TP63: variants seen among roughly 807,000 people sequenced by gnomAD.
The protein encoded by TP63 is tumor protein p63.
TP63 carries 17 observed loss-of-function variants against 82.8 expected under a neutral mutation model. The observed-to-expected ratio is 0.21, with a 90% CI of 0.14 to 0.31. The LOEUF (loss-of-function observed/expected upper bound fraction) is 0.31, where lower values mean the gene tolerates loss of function less well. Among genes scored for constraint, TP63 ranks in the 10% least tolerant of loss-of-function variants. The probability of loss-of-function intolerance (pLI) is 1.00; values close to 1 mark genes in which losing one functional copy is unlikely to be tolerated. For missense variants in TP63, 648 were observed against 895.3 expected (o/e 0.72, Z 3.52); for synonymous variants, 330 against 321.7 (o/e 1.03, Z -0.28).
chr3:189,689,763 G>C (rs11915575), intron 1 of TP63, among the ~76,000 whole-genome samples: 8 of 152,158 alleles, frequency 5.3e-5, no homozygotes, highest in Non-Finnish European at 1.0e-4. Flanking sequence ...ATACATAAGA[G>C]GAGTTTCTGT....
intron 4 of TP63, among the ~76,000 whole-genome samples, chr3:189,848,457 A>C (rs1195927830): frequency 6.6e-6 from 1 of 151,508 alleles, no homozygotes; most frequent in Non-Finnish European, 1.5e-5. Context: ...GGGTTCAAGC[A>C]ATACTCCTGC....
chr3:189,879,102 CTT>C (rs1719616716), intron 10 of TP63, among the ~76,000 whole-genome samples: 1 of 152,168 alleles, frequency 6.6e-6, no homozygotes, highest in African/African-American at 2.4e-5. Context: ...TCTTAGAGGT[CTT>C]TAGTTAGCTG....
intron 1 of TP63, among the ~76,000 whole-genome samples, chr3:189,682,547 AAAAAAAATATATAT>A (rs1320581055): frequency 2.5e-4 from 7 of 27,748 alleles, no homozygotes; most frequent in African/African-American, 5.4e-4. Flanking sequence ...AAAAAAAAAA[AAAAAAAATATATAT>A]ATATATATAT....
chr3:189,600,711 G>T, the TP63 span, among the ~76,000 whole-genome samples: 1 of 152,054 alleles, frequency 6.6e-6, no homozygotes, highest in Non-Finnish European at 1.5e-5. Context: ...CTTACTACCA[G>T]GCCAGTACTC....
intron 10 of TP63, chr3:189,880,253 G>T: frequency 1.3e-6 from 2 of 1,506,828 alleles, no homozygotes; most frequent in Non-Finnish European, 1.8e-6. Context: ...GTGTATGTGT[G>T]TGCGTGTGTA....
chr3:189,864,555 T>A, intron 5 of TP63, 137 bp downstream of exon 5: 1 of 866,534 alleles, frequency 1.2e-6, no homozygotes, highest in Non-Finnish European at 1.7e-6. Flanking sequence ...TTTTTTTTTT[T>A]TTTTTTTTTT....
chr3:189,713,788 G>GA (rs1050435844), intron 1 of TP63, among the ~76,000 whole-genome samples: 2 of 151,750 alleles, frequency 1.3e-5, no homozygotes, highest in Admixed American at 1.3e-4. Context: ...TTTTATAATT[G>GA]ATGCTTTTAT....
chr3:189,705,739 G>T (rs556804057), intron 1 of TP63, among the ~76,000 whole-genome samples: 88 of 152,082 alleles, frequency 5.8e-4, no homozygotes, highest in Non-Finnish European at 1.0e-3. Flanking sequence ...ATTCTCAAGG[G>T]GGGTACACTG....
At position 189,880,623 on chromosome 3, in the gene TP63, G is replaced by A. The variant is rs919297496; in HGVS notation, c.1350-5771G>A. 3 of 985,854 alleles carry A rather than the reference G, an allele frequency of 3.0e-6. No homozygotes were observed. The African/African-American group carries it at 5.2e-5, about 17-fold the overall frequency. The allele number at this position is 985,854 out of a possible 1,614,324, so 61.1% of individuals were successfully genotyped here. A position where few individuals can be genotyped will look rare whatever the true frequency, so the allele number is the denominator to read the frequency against. ...AGAAAAGGAGAAAAAAGTTGTTATT[G>A]TCTGTGCATAAGTAAGTTGTAGGTG... On this transcript the variant is annotated intron_variant, in intron 10 of 13. Transcript: ENST00000264731.
At position 189,737,591 on chromosome 3, in the gene TP63, A is replaced by G. The variant is rs76313891; in HGVS notation, c.63-149A>G. On this transcript the variant is annotated intron_variant, in intron 1 of 13. Coordinates refer to ENST00000264731, the MANE Select transcript of TP63 (RefSeq NM_003722.5). ...CATTACACTACCTGAAGAAATGCCAATTGTGCAACTTGTAACATGTGCTAC... is the reference window on the plus strand; with the variant it reads ...CATTACACTACCTGAAGAAATGCCAGTTGTGCAACTTGTAACATGTGCTAC... 0.11 allele frequency: 104,708 copies of G among 995,886 alleles called. 6,052 individuals are homozygous for G. Among genetic ancestry groups the G allele is most frequent in the Non-Finnish European group, 0.11 (75,383 of 680,148 alleles). 61.7% of individuals were successfully genotyped at this position (995,886 alleles called of 1,614,324 possible).
rs58278017 is a variant in TP63 at position 189,841,547 on chromosome 3, G to C, written c.580-22685G>C. Among the ~76,000 whole-genome samples the C allele has an allele frequency of 4.3e-3, 660 of 152,238 alleles. 1 individual carries two copies. The highest frequency in any genetic ancestry group is 0.015 in the African/African-American group (618 of 41,552). On this transcript the variant is annotated intron_variant, in intron 4 of 13. Coordinates refer to ENST00000264731, the MANE Select transcript of TP63 (RefSeq NM_003722.5). ...CTGGAACAGAGGACTCACTTTTAGA[G>C]CAGATGTACAAATGAAACTCCAAAA...
intron 3 of TP63, among the ~76,000 whole-genome samples, chr3:189,747,647 A>G (rs1204454738): frequency 6.6e-6 from 1 of 152,098 alleles, no homozygotes; most frequent in East Asian, 1.9e-4. Context: ...GATTTCACAT[A>G]AACAATCCAA....
chr3:189,619,078 AG>A, the TP63 span, among the ~76,000 whole-genome samples: 1 of 152,154 alleles, frequency 6.6e-6, no homozygotes, highest in Non-Finnish European at 1.5e-5. Context: ...ATCAATTTCT[AG>A]GGATGTCCAT....
chr3:189,885,518 G>C (rs368509319), intron 10 of TP63, among the ~76,000 whole-genome samples: 7 of 152,304 alleles, frequency 4.6e-5, no homozygotes, highest in African/African-American at 1.7e-4. Context: ...ACGGAGGAAG[G>C]CTTCATCTCT....
chr3:189,621,239 T>A, the TP63 span, among the ~76,000 whole-genome samples: 1 of 152,302 alleles, frequency 6.6e-6, no homozygotes, highest in East Asian at 1.9e-4. Flanking sequence ...ATTTTCTTTC[T>A]TTTCCTTTGC....
At chr3:189,882,690 T>A (rs955259761) in intron 10 of TP63, among the ~76,000 whole-genome samples, 1 of 152,156 alleles carries the variant, frequency 6.6e-6, no homozygotes, top group African/African-American at 2.4e-5. Context: ...AGGTAGATAG[T>A]GTAACTTGTG....
rs1712541721 is a variant in TP63, at chr3:189,647,729, T to G, written c.62+16152T>G. Among the ~76,000 whole-genome samples the G allele has an allele frequency of 1.4e-5, 2 of 146,620 alleles. 1 individual carries two copies. Among genetic ancestry groups the G allele is most frequent in the Admixed American group, 1.3e-4 (2 of 14,850 alleles). ...AGCCAAATTATCAAAGAACATTGTC[T>G]TAAAGAAAAAAAAAGTAAAACAAAC... is the stretch of plus-strand genomic sequence containing the variant. On this transcript the variant is annotated intron_variant, in intron 1 of 13. Transcript: ENST00000264731.
intron 3 of TP63, among the ~76,000 whole-genome samples, chr3:189,752,203 G>A (rs902463189): frequency 1.3e-5 from 2 of 152,006 alleles, no homozygotes; most frequent in Non-Finnish European, 2.9e-5. Context: ...GAGACAGTGT[G>A]TCCCTCTTCA....
At chr3:189,792,727 G>A (rs1330700865) in intron 3 of TP63, among the ~76,000 whole-genome samples, 1 of 151,940 alleles carries the variant, frequency 6.6e-6, no homozygotes, top group Admixed American at 6.6e-5. Flanking sequence ...TTAATACCAA[G>A]GAGAGATGGG....
Sources: allele counts gnomAD v4.1 joint callset (sites outside exome capture counted in the v4.1 genomes callset), GRCh38; gene constraint gnomAD v4.1.1; transcripts MANE v1.5; gene names NCBI Gene and HGNC (gene_info 2026-07-23, HGNC 2026-07-21).